ALPK1: variants seen among roughly 807,000 people sequenced by gnomAD.
The protein encoded by ALPK1 is alpha kinase 1, also known as alpha-protein kinase 1.
ALPK1 carries 110 observed loss-of-function variants against 120.6 expected under a neutral mutation model. The observed-to-expected ratio is 0.91, with a 90% CI of 0.78 to 1.07. The LOEUF (loss-of-function observed/expected upper bound fraction) is 1.07, where lower values mean the gene tolerates loss of function less well. Ranked by LOEUF, ALPK1 falls within the 50% of genes least tolerant of loss-of-function variation. The pLI is 0.00. For synonymous variants in ALPK1, 582 were observed against 560.3 expected (o/e 1.04, Z -0.55); for missense variants, 1,498 against 1,483.9 (o/e 1.01, Z -0.16).
chr4:112,370,549 A>G (rs1030742875), intron 2 of ALPK1, among the ~76,000 whole-genome samples: 2 of 152,232 alleles, frequency 1.3e-5, no homozygotes, highest in African/African-American at 4.8e-5. Context: ...AAAAACTGAT[A>G]TGTGTTGAGA....
At chr4:112,413,134 G>A (rs1305413948) in intron 5 of ALPK1, among the ~76,000 whole-genome samples, 1 of 152,194 alleles carries the variant, frequency 6.6e-6, no homozygotes, top group East Asian at 1.9e-4. Context: ...TAATGTGTGG[G>A]ATATGAAAGA....
At chr4:112,412,357 CT>C (rs1733522743) in intron 5 of ALPK1, 1 of 505,984 alleles carries the variant, frequency 2.0e-6, no homozygotes, top group African/African-American at 1.9e-5. Context: ...GACCAAGAGT[CT>C]TTAAAAAGCA....
chr4:112,324,775 C>T (rs1729032416), intron 2 of ALPK1, among the ~76,000 whole-genome samples: 1 of 152,152 alleles, frequency 6.6e-6, no homozygotes, highest in South Asian at 2.1e-4. Flanking sequence ...CTGCACCAGG[C>T]CTGATCTCTC....
chr4:112,423,992 A>G lies in ALPK1; in HGVS notation c.524A>G (p.Asn175Ser), dbSNP rs1734119027. Residue 175 changes from asparagine (N) to serine (S), a missense_variant, in exon 6 of 16, where the codon AAT becomes AGT. Physicochemically the swap from Asn to Ser is conservative, Grantham distance 46. Coordinates refer to ENST00000650871, the MANE Select transcript of ALPK1 (RefSeq NM_025144.4). Reference sequence around the variant, plus strand: ...ATTCTGAGCAGTCTAATAAGCAACAATGGAGCAACGGGTGAGTACTTTCAT... The same window carrying G: ...ATTCTGAGCAGTCTAATAAGCAACAGTGGAGCAACGGGTGAGTACTTTCAT... ...EYILSSLISN[N>S]GATGTWLYRN... 1.9e-6 allele frequency: 3 copies of G among 1,613,860 alleles called. No individual in the cohort carries two copies. The highest frequency in any genetic ancestry group is 2.2e-5 in the East Asian group (1 of 44,878).
intron 2 of ALPK1, among the ~76,000 whole-genome samples, chr4:112,336,868 C>T (rs777933364): frequency 2.6e-5 from 4 of 152,134 alleles, no homozygotes; most frequent in Non-Finnish European, 4.4e-5. Flanking sequence ...ACATCTGAAT[C>T]TGGTACCATT....
intron 4 of ALPK1, among the ~76,000 whole-genome samples, chr4:112,408,591 A>G (rs112584135): frequency 6.0e-4 from 91 of 151,842 alleles, no homozygotes; most frequent in African/African-American, 2.1e-3. Flanking sequence ...CTCCTGCCTC[A>G]GCCTCCTGAG....
At position 112,411,881 on chromosome 4, in the gene ALPK1, G is replaced by A; in HGVS notation, c.331G>A (p.Val111Met). The change falls in exon 5 of 16, where the codon GTG becomes ATG. Residue 111 changes from valine (V) to methionine (M), a missense_variant. Transcript: ENST00000650871. ...ARDCAAAAAI[V>M]FLVDRFLYGL... is the part of the protein sequence containing the mutation. ...GGACTGTGCGGCTGCGGCGGCTATT[G>A]TGTTCTTGGTGGACCGGTTCCTGTA... is the stretch of plus-strand genomic sequence containing the variant. 1 of 1,613,994 alleles carries A rather than the reference G, an allele frequency of 6.2e-7. No individual in the cohort carries two copies. The highest frequency in any genetic ancestry group is 2.2e-5 in the East Asian group (1 of 44,866).
At chr4:112,325,081 C>G (rs550129103) in intron 2 of ALPK1, among the ~76,000 whole-genome samples, 2 of 151,862 alleles carry the variant, frequency 1.3e-5, no homozygotes, top group Admixed American at 6.5e-5. Flanking sequence ...ACATTGTAGG[C>G]TACTTGGCTT....
intron 1 of ALPK1, among the ~76,000 whole-genome samples, chr4:112,297,698 G>A (rs1727601199): frequency 6.6e-6 from 1 of 152,042 alleles, no homozygotes; most frequent in African/African-American, 2.4e-5. Flanking sequence ...GAAGGGAAAA[G>A]TTACCTACAA....
chr4:112,365,953 G>A (rs1188285225), intron 2 of ALPK1, among the ~76,000 whole-genome samples: 3 of 152,086 alleles, frequency 2.0e-5, no homozygotes, highest in Admixed American at 6.6e-5. Context: ...ACATATAGTG[G>A]GGAAAGGACA....
intron 2 of ALPK1, among the ~76,000 whole-genome samples, chr4:112,344,333 T>C (rs1474222193): frequency 1.3e-5 from 2 of 152,158 alleles, no homozygotes; most frequent in African/African-American, 4.8e-5. Flanking sequence ...GAGAGCTCAG[T>C]TGTAAGCAAT....
At chr4:112,402,720 C>A (rs1732975274) in intron 4 of ALPK1, among the ~76,000 whole-genome samples, 1 of 152,164 alleles carries the variant, frequency 6.6e-6, no homozygotes, top group Non-Finnish European at 1.5e-5. Flanking sequence ...TAAACATGAT[C>A]ACATAACAGG....
chr4:112,301,597 A>T (rs550054161), intron 1 of ALPK1, among the ~76,000 whole-genome samples: 2 of 152,224 alleles, frequency 1.3e-5, no homozygotes, highest in South Asian at 2.1e-4. Flanking sequence ...GTGACCTCTG[A>T]TCACCTTATT....
At chr4:112,367,866 A>G (rs572395400) in intron 2 of ALPK1, among the ~76,000 whole-genome samples, 2 of 152,234 alleles carry the variant, frequency 1.3e-5, no homozygotes, top group South Asian at 4.1e-4. Context: ...CTGATTTATT[A>G]TCCAGTTCAA....
chr4:112,395,573 T>C (rs1413577890), intron 4 of ALPK1, among the ~76,000 whole-genome samples: 1 of 152,224 alleles, frequency 6.6e-6, no homozygotes, highest in Non-Finnish European at 1.5e-5. Context: ...TTACTATGTA[T>C]ATAGATTTCA....
At chr4:112,407,949 A>G (rs544604997) in intron 4 of ALPK1, among the ~76,000 whole-genome samples, 1 of 152,144 alleles carries the variant, frequency 6.6e-6, no homozygotes, top group South Asian at 2.1e-4. Flanking sequence ...CTACTAAAAA[A>G]TACAAAAATT....
intron 4 of ALPK1, among the ~76,000 whole-genome samples, chr4:112,405,367 A>C (rs982378676): frequency 3.3e-5 from 5 of 152,172 alleles, no homozygotes; most frequent in Non-Finnish European, 7.3e-5. Flanking sequence ...CAAACATGAA[A>C]ATTAAAAGCC....
intron 5 of ALPK1, among the ~76,000 whole-genome samples, chr4:112,421,259 A>G (rs949499588): frequency 5.0e-4 from 76 of 152,178 alleles, no homozygotes; most frequent in African/African-American, 1.7e-3. Flanking sequence ...ATTCCTTTAA[A>G]TACTTTCTAG....
At position 112,439,682 on chromosome 4, in the gene ALPK1, T is replaced by G; in HGVS notation, c.3352-4T>G. On this transcript the variant is annotated splice_region_variant and splice_polypyrimidine_tract_variant and intron_variant, in intron 13 of 15. Transcript: ENST00000650871. Reference sequence around the variant, plus strand: ...CTGTAATGTTTCTCATTGCTATTTTTCAGATTTTAGAGGACAAGACAATAA... The same window carrying G: ...CTGTAATGTTTCTCATTGCTATTTTGCAGATTTTAGAGGACAAGACAATAA... The G allele has an allele frequency of 6.3e-7, 1 of 1,593,022 alleles. No homozygotes were observed. The highest frequency in any genetic ancestry group is 8.5e-7 in the Non-Finnish European group (1 of 1,170,674).
Sources: allele counts gnomAD v4.1 joint callset (sites outside exome capture counted in the v4.1 genomes callset), GRCh38; gene constraint gnomAD v4.1.1; transcripts MANE v1.5; gene names NCBI Gene and HGNC (gene_info 2026-07-23, HGNC 2026-07-21).